Variants in SCIN observed in about 807,000 individuals in gnomAD.
SCIN encodes scinderin, also known as adseverin.
A neutral mutation model predicts 91.8 loss-of-function variants in SCIN; 91 were observed. The ratio of observed to expected loss-of-function variants is 0.99; its 90% CI spans 0.84 to 1.18. The LOEUF is 1.18. Ranked by LOEUF, SCIN falls within the 50% of genes most tolerant of loss-of-function variation. The pLI is 0.00. For synonymous variants in SCIN, 367 were observed against 312.6 expected (o/e 1.17, Z -1.84); for missense variants, 1,087 against 863.9 (o/e 1.26, Z -3.24).
intron 3 of SCIN, 67 bp from the exon 4 acceptor site, chr7:12,604,447 G>A (rs1475907098): frequency 7.2e-7 from 1 of 1,394,612 alleles, no homozygotes; most frequent in Non-Finnish European, 9.9e-7. Context: ...TTAATCACAA[G>A]TATTACACTG....
At chr7:12,596,703 T>A (rs1325884637) in intron 3 of SCIN, among the ~76,000 whole-genome samples, 1 of 151,616 alleles carries the variant, frequency 6.6e-6, no homozygotes, top group East Asian at 1.9e-4. Context: ...TTTTTTGGTT[T>A]GGCAAACACT....
intron 11 of SCIN, among the ~76,000 whole-genome samples, chr7:12,643,769 C>T (rs1783900680): frequency 6.6e-6 from 1 of 152,190 alleles, no homozygotes. Flanking sequence ...TCTTGTTTTC[C>T]TCCTCCGTCT....
At chr7:12,585,742 A>C (rs978969128) in intron 3 of SCIN, among the ~76,000 whole-genome samples, 4 of 152,070 alleles carry the variant, frequency 2.6e-5, no homozygotes, top group African/African-American at 9.7e-5. Flanking sequence ...TATCTCTTGA[A>C]TCTTTCCTGT....
chr7:12,618,164 A>G (rs891765799), intron 4 of SCIN, among the ~76,000 whole-genome samples: 4 of 152,104 alleles, frequency 2.6e-5, no homozygotes, highest in African/African-American at 9.7e-5. Flanking sequence ...ATGAGTGACT[A>G]TTTAAGTTTA....
At chr7:12,577,855 C>CAAAAAAAA (rs5882366) in intron 1 of SCIN, 1 of 387,980 alleles carries the variant, frequency 2.6e-6, no homozygotes, top group Non-Finnish European at 4.6e-6. Context: ...CACCCTCTCT[C>CAAAAAAAA]AAAAAAAAAA....
chr7:12,607,632 T>G (rs1272383206), intron 4 of SCIN, among the ~76,000 whole-genome samples: 4 of 152,214 alleles, frequency 2.6e-5, no homozygotes, highest in African/African-American at 9.7e-5. Context: ...TTGTTTTCAT[T>G]CAATACATTC....
intron 4 of SCIN, among the ~76,000 whole-genome samples, chr7:12,611,443 T>A (rs984683773): frequency 1.3e-5 from 2 of 152,194 alleles, no homozygotes; most frequent in Admixed American, 6.5e-5. Context: ...GAAATGTTTG[T>A]CCTAAGTTTA....
At position 12,653,575 on chromosome 7, in the gene SCIN, T is replaced by C. The variant is rs1371409011; in HGVS notation, c.*860T>C. On this transcript the variant is annotated 3_prime_UTR_variant, in exon 16 of 16. Transcript: ENST00000297029. The surrounding 1 kb of genome is among the most constrained non-coding windows in gnomAD (Gnocchi z 4.1). ...TCTAAGAGGAATTTTATCTTTTTTT[T>C]AACCTTATTAAAAGCCTTTGAAAAC... 6.6e-6 allele frequency: 1 copy of C among 152,242 alleles called. No homozygotes were observed. 9.4% of individuals were successfully genotyped at this position (152,242 alleles called of 1,614,324 possible). A position where few individuals can be genotyped will look rare whatever the true frequency, so the allele number is the denominator to read the frequency against.
At chr7:12,652,441 G>C in intron 15 of SCIN, 147 bp from the exon 16 acceptor site, 1 of 707,732 alleles carries the variant, frequency 1.4e-6, no homozygotes, top group Non-Finnish European at 2.2e-6. Context: ...AATTGTATTC[G>C]AAGAATTTTC....
intron 8 of SCIN, 143 bp from the exon 9 acceptor site, chr7:12,628,957 TC>T: frequency 1.4e-6 from 1 of 712,100 alleles, no homozygotes; most frequent in Non-Finnish European, 2.2e-6. Flanking sequence ...GATAACAATT[TC>T]TTTGCTTGAT....
At chr7:12,585,198 A>T (rs1782561729) in intron 3 of SCIN, among the ~76,000 whole-genome samples, 1 of 152,074 alleles carries the variant, frequency 6.6e-6, no homozygotes. Flanking sequence ...TGTTCTTGTT[A>T]TGGGCATCGA....
chr7:12,614,712 G>T (rs1783264391), intron 4 of SCIN, among the ~76,000 whole-genome samples: 1 of 152,158 alleles, frequency 6.6e-6, no homozygotes, highest in Admixed American at 6.5e-5. Flanking sequence ...CTTGAGCATT[G>T]CTCCTTGGTT....
chr7:12,586,412 T>C (rs1425393872), intron 3 of SCIN, among the ~76,000 whole-genome samples: 1 of 152,004 alleles, frequency 6.6e-6, no homozygotes, highest in Non-Finnish European at 1.5e-5. Flanking sequence ...ATGACTGTCA[T>C]CAAAAACACA....
chr7:12,607,005 G>C (rs1404141953), intron 4 of SCIN, among the ~76,000 whole-genome samples: 1 of 152,144 alleles, frequency 6.6e-6, no homozygotes, highest in African/African-American at 2.4e-5. Flanking sequence ...CTATAAATAA[G>C]ATGTATTTCT....
At chr7:12,593,993 G>T (rs979826397) in intron 3 of SCIN, among the ~76,000 whole-genome samples, 2 of 152,194 alleles carry the variant, frequency 1.3e-5, no homozygotes, top group African/African-American at 4.8e-5. Context: ...GGAGGAGAAG[G>T]ACCCGAGACG....
chr7:12,625,055 G>A lies in SCIN; in HGVS notation c.805G>A (p.Glu269Lys). 1 of 1,586,788 alleles carries A rather than the reference G, an allele frequency of 6.3e-7. No individual in the cohort carries two copies. The highest frequency in any genetic ancestry group is 8.6e-7 in the Non-Finnish European group (1 of 1,165,214). The change falls in exon 6 of 16, where the codon GAA (glutamate) becomes AAA (lysine). Residue 269 changes from glutamate (E) to lysine (K), a missense_variant. Physicochemically the swap from Glu to Lys is moderately conservative, Grantham distance 56. Transcript: ENST00000297029. ...CATGAGAGTGACTGTGGTGGCAGAA[G>A]AAAACCCCTTCTCAATGGCAATGCT... ...GSMRVTVVAE[E>K]NPFSMAMLLS... is the part of the protein sequence containing the mutation.
At chr7:12,649,668 C>A (rs1372913139) in intron 14 of SCIN, 124 bp downstream of exon 14, 3 of 447,512 alleles carry the variant, frequency 6.7e-6, no homozygotes, top group Non-Finnish European at 1.2e-5. Flanking sequence ...ATTTAAAAAA[C>A]ACACACACAC....
At chr7:12,571,928 C>T (rs73680855) in intron 1 of SCIN, among the ~76,000 whole-genome samples, 8,293 of 152,186 alleles carry the variant, frequency 0.054, 297 homozygotes, top group South Asian at 0.15. Context: ...AACAACATGC[C>T]GATTCTCTGA....
At chr7:12,636,709 C>T (rs1783759673) in intron 10 of SCIN, among the ~76,000 whole-genome samples, 1 of 152,110 alleles carries the variant, frequency 6.6e-6, no homozygotes, top group South Asian at 2.1e-4. Context: ...GGGAAAGACT[C>T]AACCAGCGAT....
Sources: gnomAD v4.1 joint callset for allele counts (sites outside exome capture counted in the v4.1 genomes callset) on GRCh38, gnomAD v4.1.1 for gene constraint, Gnocchi (gnomAD v3.1) non-coding constraint, MANE v1.5 for transcripts, NCBI Gene and HGNC (gene_info 2026-07-23, HGNC 2026-07-21) for gene names.